The following PDZRN3 variants were observed in gnomAD, a reference collection of about 807,000 sequenced individuals.
PDZRN3 encodes the protein E3 ubiquitin-protein ligase PDZRN3.
PDZRN3 carries 38 observed loss-of-function variants against 85.7 expected under a neutral mutation model. That is an observed-to-expected ratio of 0.44 (90% confidence interval 0.34 to 0.58). The LOEUF is 0.58. Among genes scored for constraint, PDZRN3 ranks in the 20% least tolerant of loss-of-function variants. The pLI is 0.01. For missense variants in PDZRN3, 1,629 were observed against 1,506.4 expected (o/e 1.08, Z -1.35); for synonymous variants, 759 against 638.0 (o/e 1.19, Z -2.86).
intron 3 of PDZRN3, among the ~76,000 whole-genome samples, chr3:73,568,554 T>A (rs901461630): frequency 6.6e-6 from 1 of 152,180 alleles, no homozygotes; most frequent in East Asian, 1.9e-4. Flanking sequence ...ATTACTATAA[T>A]GATCAACACA....
chr3:73,592,692 A>T (rs771281859), intron 3 of PDZRN3, among the ~76,000 whole-genome samples: 17 of 152,130 alleles, frequency 1.1e-4, no homozygotes, highest in Non-Finnish European at 1.6e-4. Flanking sequence ...CGTGAGGCTC[A>T]AAGTAATCAT....
chr3:73,470,952 A>G (rs555942155), intron 3 of PDZRN3, among the ~76,000 whole-genome samples: 1 of 152,218 alleles, frequency 6.6e-6, no homozygotes, highest in African/African-American at 2.4e-5. Flanking sequence ...TCCATTTTGC[A>G]ATTTTAAAAC....
intron 3 of PDZRN3, among the ~76,000 whole-genome samples, chr3:73,492,982 A>C (rs1363516184): frequency 2.2e-5 from 1 of 46,300 alleles, no homozygotes. Context: ...AGGCTTTTCA[A>C]CCTTTTTTTT....
intron 3 of PDZRN3, among the ~76,000 whole-genome samples, chr3:73,600,708 A>G (rs891017896): frequency 6.6e-6 from 1 of 152,216 alleles, no homozygotes; most frequent in African/African-American, 2.4e-5. Flanking sequence ...CACAAGAGCA[A>G]TGAAATTCCA....
rs1251685377 is a variant in PDZRN3 at position 73,588,660 on chromosome 3, T to TAC, written c.918+13692_918+13693dup. Among the ~76,000 whole-genome samples, 40 of 152,264 alleles carry TAC rather than the reference T, an allele frequency of 2.6e-4. 1 individual carries two copies. The highest frequency in any genetic ancestry group is 2.6e-3 in the Admixed American group (40 of 15,286). ...CTGTCTAGCTTAAATTGACTACCTC[T>TAC]ACATGTTCAGTGTTTATTTTTACTC... On this transcript the variant is annotated intron_variant, in intron 3 of 9. Transcript: ENST00000263666.
At chr3:73,592,348 C>T (rs1702369909) in intron 3 of PDZRN3, among the ~76,000 whole-genome samples, 11 of 151,592 alleles carry the variant, frequency 7.3e-5, no homozygotes, top group Admixed American at 7.3e-4. Context: ...CGTTTTAATG[C>T]TGACTTGCAT....
At chr3:73,446,647 G>A (rs1030284441) in intron 3 of PDZRN3, among the ~76,000 whole-genome samples, 3 of 152,140 alleles carry the variant, frequency 2.0e-5, no homozygotes, top group African/African-American at 4.8e-5. Flanking sequence ...TTCAGTTGCT[G>A]GCGGGGACAG....
At chr3:73,532,361 A>G (rs1402986011) in intron 3 of PDZRN3, among the ~76,000 whole-genome samples, 1 of 152,192 alleles carries the variant, frequency 6.6e-6, no homozygotes, top group Non-Finnish European at 1.5e-5. Flanking sequence ...GATGACATTC[A>G]GCTCAAGCCT....
In PDZRN3 at chr3:73,387,417, A is replaced by G. The variant is rs186649423; in HGVS notation, c.1518+551T>C. 8.6e-5 allele frequency among the ~76,000 whole-genome samples: 13 copies of G among 151,924 alleles called. No homozygotes were observed. The East Asian group carries it at 2.5e-3, about 29-fold the overall frequency. ...GGCCTGAACCCCTCCCTGCTTTATC[A>G]CCCTCCTTCTGGGCCTTTCCTGGGT... On this transcript the variant is annotated intron_variant, in intron 8 of 9. Coordinates refer to ENST00000263666, the MANE Select transcript of PDZRN3 (RefSeq NM_015009.3).
In PDZRN3 at chr3:73,390,507, C is replaced by A. The variant is rs115109031; in HGVS notation, c.1353+511G>T. Reference sequence around the variant, plus strand: ...CACTGTAAAGTTTCCATACTGAAATCAGTTGATTTGTATTATCTTCTCAAG... The same window carrying A: ...CACTGTAAAGTTTCCATACTGAAATAAGTTGATTTGTATTATCTTCTCAAG... On this transcript the variant is annotated intron_variant, in intron 6 of 9. Transcript: ENST00000263666. 7.8e-3 allele frequency among the ~76,000 whole-genome samples: 1,193 copies of A among 152,116 alleles called. 18 individuals are homozygous for A. Among genetic ancestry groups the A allele is most frequent in the African/African-American group, 0.028 (1,154 of 41,472 alleles).
At chr3:73,435,842 C>A (rs1016295656) in intron 3 of PDZRN3, among the ~76,000 whole-genome samples, 1 of 152,162 alleles carries the variant, frequency 6.6e-6, no homozygotes, top group African/African-American at 2.4e-5. Context: ...TGCTGAAAAG[C>A]CCTCAGATCA....
chr3:73,573,796 T>C (rs1263697845), intron 3 of PDZRN3, among the ~76,000 whole-genome samples: 20 of 146,272 alleles, frequency 1.4e-4, no homozygotes, highest in African/African-American at 2.3e-4. Context: ...CATATACATA[T>C]ACATACACAT....
intron 1 of PDZRN3, among the ~76,000 whole-genome samples, chr3:73,619,163 G>A (rs556848854): frequency 2.0e-5 from 3 of 152,288 alleles, no homozygotes; most frequent in Admixed American, 6.5e-5. Context: ...TCATCACGGA[G>A]AAACTCATTC....
intron 3 of PDZRN3, among the ~76,000 whole-genome samples, chr3:73,579,724 G>T (rs931314434): frequency 6.6e-6 from 1 of 152,236 alleles, no homozygotes; most frequent in Middle Eastern, 3.4e-3. Context: ...CGCCACTGAG[G>T]ATCTGACTGT....
chr3:73,507,895 C>T (rs1306283934), intron 3 of PDZRN3, among the ~76,000 whole-genome samples: 1 of 152,120 alleles, frequency 6.6e-6, no homozygotes, highest in Non-Finnish European at 1.5e-5. Context: ...GAGTTCCAGA[C>T]CAGCCTGGCC....
Position 73,384,484 on chromosome 3 carries a change from G to A in PDZRN3, c.2082C>T (p.Ser694=), listed in dbSNP as rs1235293945. The part of the protein sequence containing the change: ...ELELLNEELR[S]IELECLSIVR... ...CGATGCTCAGGCACTCCAGCTCGAT[G>A]CTGCGCAGCTCTTCGTTCAGCAGCT... The change falls in exon 10 of 10, where the codon AGC becomes AGT. Residue 694 remains serine (S), a synonymous_variant. Coordinates refer to ENST00000263666, the MANE Select transcript of PDZRN3 (RefSeq NM_015009.3). The A allele has an allele frequency of 3.7e-6, 6 of 1,613,378 alleles. No homozygotes were observed. Among genetic ancestry groups the A allele is most frequent in the African/African-American group, 1.3e-5 (1 of 74,944 alleles).
rs376344205 is a variant in PDZRN3, at chr3:73,571,849, C to T, written c.918+30505G>A. 4.9e-4 allele frequency among the ~76,000 whole-genome samples: 75 copies of T among 152,168 alleles called. No homozygotes were observed. In the South Asian group the frequency reaches 0.011, roughly 23 times the overall value. ...GTGGTCACAAATGTGTCCCGAGCACCGTTTTGAAAAAACAGGAACATACTT... is the reference window on the plus strand; with the variant it reads ...GTGGTCACAAATGTGTCCCGAGCACTGTTTTGAAAAAACAGGAACATACTT... On this transcript the variant is annotated intron_variant, in intron 3 of 9. Transcript: ENST00000263666.
chr3:73,608,849 T>C (rs7630751), intron 1 of PDZRN3, among the ~76,000 whole-genome samples, 165 bp from the exon 2 acceptor site: 3 of 152,190 alleles, frequency 2.0e-5, no homozygotes, highest in Non-Finnish European at 2.9e-5. Flanking sequence ...CAATCTGAAA[T>C]TCTGTCTTGT....
intron 3 of PDZRN3, chr3:73,593,809 C>A (rs1702395644): frequency 6.6e-6 from 1 of 151,340 alleles, no homozygotes; most frequent in African/African-American, 2.4e-5. Flanking sequence ...CCCCATAATC[C>A]CATCAAACAA....
Sources: gnomAD v4.1 joint callset for allele counts (sites outside exome capture counted in the v4.1 genomes callset) on GRCh38, gnomAD v4.1.1 for gene constraint, MANE v1.5 for transcripts, NCBI Gene and HGNC (gene_info 2026-07-23, HGNC 2026-07-21) for gene names.